Variants in KDM4C observed in about 807,000 individuals in gnomAD.
KDM4C encodes lysine demethylase 4C.
KDM4C carries 81 observed loss-of-function variants against 129.3 expected under a neutral mutation model. The ratio of observed to expected loss-of-function variants is 0.63; its 90% confidence interval spans 0.52 to 0.75. The LOEUF (loss-of-function observed/expected upper bound fraction) is 0.75. Ranked by LOEUF, KDM4C falls within the 30% of genes least tolerant of loss-of-function variation. The pLI is 0.00. For synonymous variants in KDM4C, 573 were observed against 456.1 expected (o/e 1.26, Z -3.26); for missense variants, 1,457 against 1,304.0 (o/e 1.12, Z -1.81).
intron 17 of KDM4C, among the ~76,000 whole-genome samples, chr9:7,092,850 C>A (rs1414426452): frequency 6.6e-6 from 1 of 152,052 alleles, no homozygotes; most frequent in Non-Finnish European, 1.5e-5. Flanking sequence ...ACTGACTGTT[C>A]TGTTTGAAGA....
chr9:6,951,352 A>G (rs114507405), intron 8 of KDM4C, among the ~76,000 whole-genome samples: 1,610 of 152,322 alleles, frequency 0.011, 31 homozygotes, highest in African/African-American at 0.036. Context: ...TTAAAACCTG[A>G]TAATAAACTC....
At chr9:6,866,936 T>C (rs1025200070) in intron 5 of KDM4C, among the ~76,000 whole-genome samples, 1 of 146,878 alleles carries the variant, frequency 6.8e-6, no homozygotes, top group Admixed American at 6.9e-5. Context: ...AAAATGTATG[T>C]AAAAATGTAT....
chr9:6,907,476 C>T (rs1472066516), intron 8 of KDM4C, among the ~76,000 whole-genome samples: 1 of 152,002 alleles, frequency 6.6e-6, no homozygotes, highest in Admixed American at 6.6e-5. Context: ...AGCTCTGGAC[C>T]AATGTCTAAA....
intron 6 of KDM4C, among the ~76,000 whole-genome samples, chr9:6,882,625 A>G (rs1477298056): frequency 6.6e-6 from 1 of 152,234 alleles, no homozygotes; most frequent in Non-Finnish European, 1.5e-5. Flanking sequence ...AGGACAGTGT[A>G]GTGGAAGTGA....
chr9:6,730,118 G>C (rs202182030), intron 1 of KDM4C, among the ~76,000 whole-genome samples: 1 of 137,250 alleles, frequency 7.3e-6, no homozygotes, highest in Admixed American at 7.4e-5. Context: ...TTAAAAAAAA[G>C]AAAAAAAAAA....
At chr9:6,878,096 T>C (rs1843844329) in intron 5 of KDM4C, among the ~76,000 whole-genome samples, 1 of 152,208 alleles carries the variant, frequency 6.6e-6, no homozygotes, top group South Asian at 2.1e-4. Flanking sequence ...GAGTGACCTC[T>C]GCTTGAAGGC....
chr9:6,921,002 C>T (rs1821401904), intron 8 of KDM4C, among the ~76,000 whole-genome samples: 1 of 152,002 alleles, frequency 6.6e-6, no homozygotes, highest in Admixed American at 6.6e-5. Context: ...AAAGTTGTTC[C>T]TTTATTATTT....
chr9:7,122,109 T>C (rs1267157271), intron 18 of KDM4C, among the ~76,000 whole-genome samples: 1 of 152,120 alleles, frequency 6.6e-6, no homozygotes, highest in African/African-American at 2.4e-5. Context: ...AATTGACTTA[T>C]GGTTCTGCAG....
chr9:6,732,611 T>A (rs942046755), intron 1 of KDM4C, among the ~76,000 whole-genome samples: 2 of 152,024 alleles, frequency 1.3e-5, no homozygotes, highest in African/African-American at 4.8e-5. Context: ...GGGAAGAGAA[T>A]CAACAAATGG....
At chr9:6,973,471 A>G (rs1434916973) in intron 8 of KDM4C, among the ~76,000 whole-genome samples, 1 of 152,226 alleles carries the variant, frequency 6.6e-6, no homozygotes, top group Non-Finnish European at 1.5e-5. Flanking sequence ...GTGGCAGGAG[A>G]CATGTAATCA....
chr9:6,834,976 C>T (rs1588592766), intron 4 of KDM4C: 1 of 985,774 alleles, frequency 1.0e-6, no homozygotes, highest in Non-Finnish European at 1.6e-6. Context: ...TCCCCCACAC[C>T]ATCCTGCATC....
chr9:6,877,692 G>T (rs994876391), intron 5 of KDM4C, among the ~76,000 whole-genome samples: 1 of 152,148 alleles, frequency 6.6e-6, no homozygotes, highest in African/African-American at 2.4e-5. Context: ...TGCTGAGTGG[G>T]GTAGTGCTCT....
chr9:7,122,662 G>A lies in KDM4C; in HGVS notation c.2611-5404G>A, dbSNP rs531436659. Among the ~76,000 whole-genome samples, 4 of 152,224 alleles carry A rather than the reference G, an allele frequency of 2.6e-5. No individual in the cohort carries two copies. In the South Asian group the frequency reaches 8.3e-4, roughly 32 times the overall value. ...GAAACTAGATGTGTTATCGTTCCTA[G>A]GAATTATTTATGCTTTTATGGAATG... On this transcript the variant is annotated intron_variant, in intron 18 of 21. Coordinates refer to ENST00000381309, the MANE Select transcript of KDM4C (RefSeq NM_015061.6).
At chr9:6,852,622 C>T in intron 5 of KDM4C, among the ~76,000 whole-genome samples, 1 of 152,108 alleles carries the variant, frequency 6.6e-6, no homozygotes, top group South Asian at 2.1e-4. Context: ...GGGATGGTTG[C>T]CTTTACTTTT....
chr9:7,008,859 C>A (rs545297469), intron 12 of KDM4C, among the ~76,000 whole-genome samples: 1 of 152,144 alleles, frequency 6.6e-6, no homozygotes, highest in Non-Finnish European at 1.5e-5. Context: ...AGATGGCCTG[C>A]CTAGAAAATT....
intron 4 of KDM4C, among the ~76,000 whole-genome samples, chr9:6,816,571 T>G (rs1832133557): frequency 6.6e-6 from 1 of 152,224 alleles, no homozygotes; most frequent in Non-Finnish European, 1.5e-5. Flanking sequence ...ACCTTATACC[T>G]TCTTATATAC....
chr9:6,746,644 C>G (rs1227431082), intron 1 of KDM4C, among the ~76,000 whole-genome samples: 2 of 151,660 alleles, frequency 1.3e-5, no homozygotes, highest in Admixed American at 6.6e-5. Context: ...CTTTGGGACA[C>G]CAAGGTGGGA....
chr9:7,125,986 A>G lies in KDM4C; in HGVS notation c.2611-2080A>G, dbSNP rs1050320736. 3.3e-5 allele frequency among the ~76,000 whole-genome samples: 5 copies of G among 152,196 alleles called. No homozygotes were observed. The East Asian group carries it at 5.8e-4, about 18-fold the overall frequency. On this transcript the variant is annotated intron_variant, in intron 18 of 21. Transcript: ENST00000381309. The stretch of plus-strand genomic sequence containing the variant: ...GGTACAGGCTTTGTAGGAGTTCCTG[A>G]AAGGGGAACGGGGACTATAGCCTTA...
intron 5 of KDM4C, among the ~76,000 whole-genome samples, chr9:6,860,515 G>C (rs1371622985): frequency 6.6e-6 from 1 of 152,156 alleles, no homozygotes. Flanking sequence ...CTGGGTACTA[G>C]GCTTAATACC....
Sources: gnomAD v4.1 joint callset for allele counts (sites outside exome capture counted in the v4.1 genomes callset) on GRCh38, gnomAD v4.1.1 for gene constraint, MANE v1.5 for transcripts, NCBI Gene and HGNC (gene_info 2026-07-23, HGNC 2026-07-21) for gene names.